FUT8: variants seen among roughly 807,000 people sequenced by gnomAD.
FUT8 encodes alpha-(1,6)-fucosyltransferase.
A neutral mutation model predicts 71.3 loss-of-function variants in FUT8; 29 were observed. The observed-to-expected ratio is 0.41, with a 90% CI of 0.30 to 0.55. The LOEUF is 0.55. FUT8 is among the 20% of genes least tolerant of loss of function. The pLI is 0.34. For missense variants in FUT8, 544 were observed against 702.1 expected, an observed-to-expected ratio of 0.77 and a Z score of 2.55; for synonymous variants, 254 against 239.3, an observed-to-expected ratio of 1.06 and a Z score of -0.57.
At chr14:65,399,266 G>A in the FUT8 span, among the ~76,000 whole-genome samples, 3 of 152,152 alleles carry the variant, frequency 2.0e-5, no homozygotes, top group Non-Finnish European at 4.4e-5. Flanking sequence ...GCAGTGAGCC[G>A]CGATCGCGCC....
chr14:65,532,432 GTCT>G (rs1377429760), intron 2 of FUT8, among the ~76,000 whole-genome samples: 1 of 152,068 alleles, frequency 6.6e-6, no homozygotes, highest in Non-Finnish European at 1.5e-5. Context: ...CTGTATATAT[GTCT>G]TCTTTGGAAA....
At chr14:65,379,465 G>A in the FUT8 span, among the ~76,000 whole-genome samples, 1 of 152,058 alleles carries the variant, frequency 6.6e-6, no homozygotes, top group African/African-American at 2.4e-5. Context: ...GGGAGGCGGA[G>A]GTTGCAATGA....
At chr14:65,654,126 G>T (rs1418570398) in intron 6 of FUT8, among the ~76,000 whole-genome samples, 1 of 152,144 alleles carries the variant, frequency 6.6e-6, no homozygotes, top group Non-Finnish European at 1.5e-5. Flanking sequence ...GGCCGATGTG[G>T]TTCTTAATGT....
At chr14:65,455,862 A>G (rs1443398710) in intron 2 of FUT8, 144 bp downstream of exon 2, 3 of 391,338 alleles carry the variant, frequency 7.7e-6, no homozygotes, top group Non-Finnish European at 1.4e-5. Flanking sequence ...TGAATTGTGT[A>G]TTAGTTAAGA....
chr14:65,686,669 GTTTGA>G (rs994404414), intron 7 of FUT8, among the ~76,000 whole-genome samples: 3 of 152,156 alleles, frequency 2.0e-5, no homozygotes, highest in Non-Finnish European at 4.4e-5. Flanking sequence ...TTGATTGTCA[GTTTGA>G]TTTAAGTCTT....
chr14:65,611,823 G>T (rs1022681455), intron 3 of FUT8, among the ~76,000 whole-genome samples: 6 of 152,040 alleles, frequency 3.9e-5, no homozygotes, highest in African/African-American at 7.2e-5. Context: ...ACCATGCCTG[G>T]CTAATTTTTG....
chr14:65,427,977 T>G (rs951500565), intron 1 of FUT8, among the ~76,000 whole-genome samples: 5 of 152,170 alleles, frequency 3.3e-5, no homozygotes, highest in African/African-American at 1.2e-4. Flanking sequence ...ATGATTCTGT[T>G]TAGTAATGGG....
At chr14:65,539,563 GCTT>G (rs1327486309) in intron 2 of FUT8, among the ~76,000 whole-genome samples, 8 of 151,974 alleles carry the variant, frequency 5.3e-5, no homozygotes, top group South Asian at 2.1e-4. Context: ...TAAATTTTTT[GCTT>G]CTTCTTTCTT....
rs556665118 is a variant in FUT8 at position 65,640,361 on chromosome 14, C to A, written c.597+10755C>A. ...ATGATATTGATTTTTTAAATTATTA[C>A]TTAGTTGAATTTCTCCAGCTAACAG... On this transcript the variant is annotated intron_variant, in intron 6 of 10. Transcript: ENST00000673929. Among the ~76,000 whole-genome samples the A allele has an allele frequency of 3.9e-5, 6 of 152,026 alleles. No individual in the cohort carries two copies. In the South Asian group the frequency reaches 8.3e-4, roughly 21 times the overall value.
chr14:65,590,498 C>T (rs1225885440), intron 3 of FUT8, among the ~76,000 whole-genome samples: 1 of 152,066 alleles, frequency 6.6e-6, no homozygotes, highest in African/African-American at 2.4e-5. Flanking sequence ...TCTGTTTCTC[C>T]TCTTGACCAA....
chr14:65,668,438 C>A (rs938102065), intron 6 of FUT8, among the ~76,000 whole-genome samples: 1 of 152,074 alleles, frequency 6.6e-6, no homozygotes, highest in Non-Finnish European at 1.5e-5. Flanking sequence ...CAATACGTAT[C>A]AAACATCACT....
At chr14:65,541,491 G>T (rs150493620) in intron 2 of FUT8, among the ~76,000 whole-genome samples, 1 of 152,328 alleles carries the variant, frequency 6.6e-6, no homozygotes, top group East Asian at 1.9e-4. Flanking sequence ...CTTGGAGTCT[G>T]AAGGCCCAAC....
intron 7 of FUT8, among the ~76,000 whole-genome samples, chr14:65,717,479 A>G (rs1376621556): frequency 7.8e-6 from 1 of 128,904 alleles, no homozygotes; most frequent in Non-Finnish European, 1.6e-5. Context: ...CTCACTTCCT[A>G]GACGGGGCGG....
At chr14:65,729,011 G>C (rs1895821606) in intron 9 of FUT8, among the ~76,000 whole-genome samples, 1 of 146,950 alleles carries the variant, frequency 6.8e-6, no homozygotes, top group Middle Eastern at 3.3e-3. Flanking sequence ...CCCCTAGGTT[G>C]CTAAAATAGT....
In FUT8 at chr14:65,721,772, C is replaced by T; in HGVS notation, c.836-3C>T. 6.2e-7 allele frequency: 1 copy of T among 1,613,794 alleles called. No individual in the cohort carries two copies. Among genetic ancestry groups the T allele is most frequent in the Non-Finnish European group, 8.5e-7 (1 of 1,179,720 alleles). The stretch of plus-strand genomic sequence containing the variant: ...TAATGATTATATGTTTCAATATTGT[C>T]AGGTGAAGTGAAGGACAAAAATGTT... On this transcript the variant is annotated splice_region_variant and splice_polypyrimidine_tract_variant and intron_variant, in intron 7 of 10. Transcript: ENST00000673929.
At chr14:65,633,531 T>C (rs904413732) in intron 6 of FUT8, among the ~76,000 whole-genome samples, 2 of 149,332 alleles carry the variant, frequency 1.3e-5, no homozygotes, top group Non-Finnish European at 3.0e-5. Flanking sequence ...ATCTAGGAAG[T>C]GAGGAGCGCC....
chr14:65,726,076 A>G (rs1594941334), intron 9 of FUT8, among the ~76,000 whole-genome samples: 1 of 152,368 alleles, frequency 6.6e-6, no homozygotes. Flanking sequence ...TCATCAGCCA[A>G]GTATAAGAAT....
intron 9 of FUT8, among the ~76,000 whole-genome samples, chr14:65,729,808 A>G (rs1489986441): frequency 6.6e-6 from 1 of 152,234 alleles, no homozygotes; most frequent in Non-Finnish European, 1.5e-5. Flanking sequence ...TCCTCCTTGT[A>G]GCCAACAGCT....
At chr14:65,650,248 G>A (rs1342782996) in intron 6 of FUT8, among the ~76,000 whole-genome samples, 4 of 127,774 alleles carry the variant, frequency 3.1e-5, no homozygotes, top group African/African-American at 1.2e-4. Context: ...GCAGTGAGCC[G>A]AGATCGTGCC....
Sources: allele counts gnomAD v4.1 joint callset (sites outside exome capture counted in the v4.1 genomes callset), GRCh38; gene constraint gnomAD v4.1.1; transcripts MANE v1.5; gene names NCBI Gene and HGNC (gene_info 2026-07-23, HGNC 2026-07-21).